COBLL1: variants seen among roughly 807,000 people sequenced by gnomAD.
COBLL1 encodes the protein cordon-bleu protein-like 1.
In COBLL1, 50 loss-of-function variants were observed where a neutral mutation model predicts 94.8. That is an observed-to-expected ratio of 0.53 (90% CI 0.42 to 0.67). The LOEUF is 0.67. Among genes scored for constraint, COBLL1 ranks in the 30% least tolerant of loss-of-function variants. COBLL1 has a pLI of 0.00. For missense variants in COBLL1, 1,362 were observed against 1,348.7 expected (o/e 1.01, Z -0.15); for synonymous variants, 448 against 473.8 (o/e 0.95, Z 0.71).
chr2:164,727,163 A>C (rs985920590), intron 5 of COBLL1: 4 of 1,417,194 alleles, frequency 2.8e-6, no homozygotes, highest in Non-Finnish European at 3.8e-6. Flanking sequence ...GGAGGGGTAT[A>C]AAAGAGGGTA....
At chr2:164,755,029 C>T (rs183759561) in intron 2 of COBLL1, among the ~76,000 whole-genome samples, 19 of 152,154 alleles carry the variant, frequency 1.2e-4, no homozygotes, top group African/African-American at 4.6e-4. Context: ...GCCTGGCATG[C>T]TGATATGCAC....
At chr2:164,830,196 A>G (rs1231124859) in intron 2 of COBLL1, among the ~76,000 whole-genome samples, 1 of 152,220 alleles carries the variant, frequency 6.6e-6, no homozygotes, top group Non-Finnish European at 1.5e-5. Flanking sequence ...CTTTAATACC[A>G]TTGGTATTTG....
At position 164,801,759 on chromosome 2, in the gene COBLL1, C is replaced by A. The variant is rs1270137127; in HGVS notation, c.41+39397G>T. ...AGTTTTCTATTTGTTCTTGTGCTAC[C>A]TCCATTTTAAAGTAAAAGTATCCAT... On this transcript the variant is annotated intron_variant, in intron 2 of 13. Coordinates refer to ENST00000652658, the MANE Select transcript of COBLL1 (RefSeq NM_001365672.2). Among the ~76,000 whole-genome samples the A allele has an allele frequency of 4.6e-5, 7 of 152,220 alleles. No homozygotes were observed. The East Asian group carries it at 1.2e-3, about 25-fold the overall frequency.
At chr2:164,688,176 T>TTAC (rs1164396746) in intron 13 of COBLL1, among the ~76,000 whole-genome samples, 2 of 152,206 alleles carry the variant, frequency 1.3e-5, no homozygotes, top group African/African-American at 4.8e-5. Context: ...AGAAGTGGGC[T>TTAC]AGAAGCTTAC....
At position 164,827,358 on chromosome 2, in the gene COBLL1, G is replaced by A. The variant is rs574507848; in HGVS notation, c.41+13798C>T. On this transcript the variant is annotated intron_variant, in intron 2 of 13. Transcript: ENST00000652658. ...CAAAAACATTTATTTTTTTAAAAAG[G>A]ACAAATGTGATTTCTACCATAATAT... Among the ~76,000 whole-genome samples, 122 of 152,182 alleles carry A rather than the reference G, an allele frequency of 8.0e-4. 2 individuals carry two copies. The highest frequency in any genetic ancestry group is 2.8e-3 in the African/African-American group (118 of 41,526).
chr2:164,801,113 C>A (rs1467765652), intron 2 of COBLL1, among the ~76,000 whole-genome samples: 1 of 151,964 alleles, frequency 6.6e-6, no homozygotes, highest in Non-Finnish European at 1.5e-5. Flanking sequence ...GCCTGGGGAA[C>A]ATAGTGAGAT....
intron 2 of COBLL1, 26 bp from the exon 3 acceptor site, chr2:164,743,901 A>T (rs1301800336): frequency 4.9e-6 from 7 of 1,434,460 alleles, no homozygotes; most frequent in Non-Finnish European, 6.5e-6. Context: ...AACACAAAAA[A>T]TACAAAATAT....
At chr2:164,837,589 GTAAGT>G in intron 2 of COBLL1, 1 of 415,108 alleles carries the variant, frequency 2.4e-6, no homozygotes, top group Non-Finnish European at 4.8e-6. Flanking sequence ...AGATCACTAT[GTAAGT>G]TAAACCAGTC....
intron 2 of COBLL1, among the ~76,000 whole-genome samples, chr2:164,660,131 A>C (rs1244215513): frequency 1.3e-5 from 2 of 152,146 alleles, no homozygotes; most frequent in African/African-American, 2.4e-5. Context: ...AGCCTTTGAG[A>C]TTACACTTAT....
At chr2:164,808,106 C>T (rs111460715) in intron 2 of COBLL1, among the ~76,000 whole-genome samples, 1,727 of 152,214 alleles carry the variant, frequency 0.011, 31 homozygotes, top group African/African-American at 0.04. Context: ...AGCCATGATC[C>T]ACCGTGCCTG....
downstream of COBLL1, among the ~76,000 whole-genome samples, chr2:164,676,675 T>C (rs1691341087): frequency 6.7e-6 from 1 of 150,362 alleles, no homozygotes; most frequent in South Asian, 2.1e-4. Context: ...TTCTTAACTC[T>C]GCTTTTTTTT....
chr2:164,824,014 A>G (rs1396133664), intron 2 of COBLL1, among the ~76,000 whole-genome samples: 1 of 152,256 alleles, frequency 6.6e-6, no homozygotes, highest in East Asian at 1.9e-4. Flanking sequence ...AAATAATTAA[A>G]ATAGCCTATA....
chr2:164,725,573 C>G (rs1337507692), intron 5 of COBLL1, among the ~76,000 whole-genome samples: 1 of 152,104 alleles, frequency 6.6e-6, no homozygotes, highest in African/African-American at 2.4e-5. Context: ...CATGTGCCAC[C>G]ACACCCGGCT....
At chr2:164,777,116 T>A (rs189447946) in intron 2 of COBLL1, among the ~76,000 whole-genome samples, 5 of 152,310 alleles carry the variant, frequency 3.3e-5, no homozygotes, top group African/African-American at 1.2e-4. Flanking sequence ...GTCTTTTATA[T>A]GTTCCATGAT....
chr2:164,811,175 T>A lies in COBLL1; in HGVS notation c.41+29981A>T, dbSNP rs370341019. On this transcript the variant is annotated intron_variant, in intron 2 of 13. Transcript: ENST00000652658. ...TTTAAGACACACCTTAAAACTATTTTGTTTACATGTTTCTTCTCATGATTT... is the reference window on the plus strand; with the variant it reads ...TTTAAGACACACCTTAAAACTATTTAGTTTACATGTTTCTTCTCATGATTT... Among the ~76,000 whole-genome samples, 36 of 152,052 alleles carry A rather than the reference T, an allele frequency of 2.4e-4. No individual in the cohort carries two copies. The East Asian group carries it at 6.6e-3, about 28-fold the overall frequency.
rs76841517 is a variant in COBLL1 at position 164,755,057 on chromosome 2, C to T, written c.42-11182G>A. On this transcript the variant is annotated intron_variant, in intron 2 of 13. Coordinates refer to ENST00000652658, the MANE Select transcript of COBLL1 (RefSeq NM_001365672.2). The stretch of plus-strand genomic sequence containing the variant: ...ATATGCACCTCTAGTCTCAGCTACT[C>T]GGTAGGCTGAGCCGGGAGGATCACT... 5.2e-3 allele frequency among the ~76,000 whole-genome samples: 797 copies of T among 152,240 alleles called. 12 individuals carry two copies. Among genetic ancestry groups the T allele is most frequent in the African/African-American group, 0.018 (732 of 41,554 alleles).
chr2:164,729,948 A>G lies in COBLL1; in HGVS notation c.398T>C (p.Leu133Ser). 1 of 1,613,926 alleles carries G rather than the reference A, an allele frequency of 6.2e-7. No individual in the cohort carries two copies. The highest frequency in any genetic ancestry group is 8.5e-7 in the Non-Finnish European group (1 of 1,179,920). Residue 133 changes from leucine (L) to serine (S), a missense_variant, in exon 4 of 14, where the codon TTG becomes TCG. Transcript: ENST00000652658. ...TATAGGTGTAGGTTTTTTCTTATCC[A>G]ACATTTTTGGCTTTAAAATTACCTT... The part of the protein sequence containing the change: ...VEKVILKPKM[L>S]DKKKPTPIIP...
chr2:164,760,594 A>G (rs1433570683), intron 2 of COBLL1, among the ~76,000 whole-genome samples: 1 of 152,220 alleles, frequency 6.6e-6, no homozygotes, highest in Non-Finnish European at 1.5e-5. Context: ...TACCTGTGTT[A>G]ATAGCATTAG....
At chr2:164,704,338 A>T (rs553798839) in intron 9 of COBLL1, 106 bp downstream of exon 9, 1 of 788,424 alleles carries the variant, frequency 1.3e-6, no homozygotes, top group Admixed American at 2.3e-5. Flanking sequence ...GAGGCCAAAG[A>T]ATCTGTATCT....
Sources: allele counts gnomAD v4.1 joint callset (sites outside exome capture counted in the v4.1 genomes callset), GRCh38; gene constraint gnomAD v4.1.1; transcripts MANE v1.5; gene names NCBI Gene and HGNC (gene_info 2026-07-23, HGNC 2026-07-21).